The following MYH10 variants were observed in gnomAD, a reference collection of about 807,000 sequenced individuals.
The protein encoded by MYH10 is myosin-10.
A neutral mutation model predicts 257.8 loss-of-function variants in MYH10; 55 were observed. The observed-to-expected ratio is 0.21, with a 90% CI of 0.17 to 0.27. The LOEUF (loss-of-function observed/expected upper bound fraction) is 0.27. Ranked by LOEUF, MYH10 falls within the 10% of genes least tolerant of loss-of-function variation. MYH10 has a pLI of 1.00. For synonymous variants in MYH10, 854 were observed against 921.7 expected (o/e 0.93, Z 1.33); for missense variants, 1,631 against 2,500.6 (o/e 0.65, Z 7.42).
Position 8,545,336 on chromosome 17 carries a change from C to G in MYH10, c.1431+112G>C, listed in dbSNP as rs1269842064. Reference sequence around the variant, plus strand: ...TTATTGTTTGGCTCTACTAGAATGGCAGGGACTGTATCCCTGGTGCCTCGT... The same window carrying G: ...TTATTGTTTGGCTCTACTAGAATGGGAGGGACTGTATCCCTGGTGCCTCGT... On this transcript the variant is annotated intron_variant, in intron 13 of 42. Coordinates refer to ENST00000360416, the MANE Select transcript of MYH10 (RefSeq NM_001256012.3). This position sits in a 1 kb window ranked among gnomAD's most constrained non-coding sequence, Gnocchi z 4.7. 2.5e-6 allele frequency: 3 copies of G among 1,186,692 alleles called. No homozygotes were observed. The highest frequency in any genetic ancestry group is 2.4e-6 in the Non-Finnish European group (2 of 832,538). 73.5% of individuals were successfully genotyped at this position (1,186,692 alleles called of 1,614,324 possible).
intron 7 of MYH10, among the ~76,000 whole-genome samples, chr17:8,558,369 G>A (rs1056305547): frequency 6.6e-6 from 1 of 152,110 alleles, no homozygotes; most frequent in African/African-American, 2.4e-5. Flanking sequence ...GAAAGGAGGA[G>A]AGAAGGCTTC....
At chr17:8,476,842 C>A in intron 42 of MYH10, 34 bp downstream of exon 42, 1 of 1,586,586 alleles carries the variant, frequency 6.3e-7, no homozygotes. Context: ...CACAAAGCAG[C>A]TGCCTGTCAG....
intron 21 of MYH10, among the ~76,000 whole-genome samples, chr17:8,518,339 GC>G (rs1380032383): frequency 6.6e-6 from 1 of 152,050 alleles, no homozygotes; most frequent in Non-Finnish European, 1.5e-5. Context: ...TTGCCATGAA[GC>G]CCTGGCTGGT....
chr17:8,610,707 C>T (rs1015472799), intron 2 of MYH10, among the ~76,000 whole-genome samples: 49 of 152,162 alleles, frequency 3.2e-4, no homozygotes, highest in African/African-American at 9.7e-4. Flanking sequence ...CTTGCCCTTC[C>T]GCCTTCTCCC....
intron 3 of MYH10, among the ~76,000 whole-genome samples, chr17:8,592,770 T>C (rs1344003579): frequency 1.8e-5 from 2 of 110,238 alleles, no homozygotes; most frequent in Non-Finnish European, 3.5e-5. Flanking sequence ...AAGAAGCATT[T>C]CTCAATCCAT....
intron 37 of MYH10, among the ~76,000 whole-genome samples, chr17:8,481,676 G>A (rs71371849): frequency 6.6e-6 from 1 of 152,342 alleles, no homozygotes; most frequent in Admixed American, 6.5e-5. Flanking sequence ...CAACGTAAGA[G>A]GTGGCTATGT....
rs1447368425 is a variant in MYH10, at chr17:8,569,670, T to C, written c.756+50A>G. The C allele has an allele frequency of 1.5e-6, 2 of 1,337,302 alleles. No homozygotes were observed. The highest frequency in any genetic ancestry group is 3.0e-5 in the African/African-American group (2 of 67,768). 82.8% of individuals were successfully genotyped at this position (1,337,302 alleles called of 1,614,324 possible). A position where few individuals can be genotyped will look rare whatever the true frequency, so the allele number is the denominator to read the frequency against. On this transcript the variant is annotated intron_variant, in intron 7 of 42. Coordinates refer to ENST00000360416, the MANE Select transcript of MYH10 (RefSeq NM_001256012.3). This position sits in a 1 kb window ranked among gnomAD's most constrained non-coding sequence, Gnocchi z 4.1. ...TTCATTTGCTTAATCACAGTAAACATTTAACTAGAAATCTAAGGAATTAAA... is the reference window on the plus strand; with the variant it reads ...TTCATTTGCTTAATCACAGTAAACACTTAACTAGAAATCTAAGGAATTAAA...
At chr17:8,543,247 C>T (rs1485644338) in intron 13 of MYH10, among the ~76,000 whole-genome samples, 1 of 152,170 alleles carries the variant, frequency 6.6e-6, no homozygotes, top group Non-Finnish European at 1.5e-5. Context: ...AAAGCCACTC[C>T]AATCTTTTCC....
chr17:8,584,929 C>A (rs1027497717), intron 4 of MYH10, among the ~76,000 whole-genome samples: 3 of 152,044 alleles, frequency 2.0e-5, no homozygotes, highest in Non-Finnish European at 4.4e-5. Context: ...CCACAACCTC[C>A]GCCTCCCGGG....
rs557591917 is a variant in MYH10 at position 8,478,219 on chromosome 17, G to A, written c.5706+119C>T. On this transcript the variant is annotated intron_variant, in intron 41 of 42. Transcript: ENST00000360416. ...CCACCAGGAACATGGAACAGCCCAC[G>A]TTAGCTGAAACATCAGAATCGGGAG... The A allele has an allele frequency of 4.0e-4, 347 of 865,604 alleles. 1 individual carries two copies. The African/African-American group carries it at 5.1e-3, about 13-fold the overall frequency. 53.6% of individuals were successfully genotyped at this position (865,604 alleles called of 1,614,324 possible).
intron 3 of MYH10, among the ~76,000 whole-genome samples, chr17:8,595,449 T>TTG (rs2084329644): frequency 8.0e-6 from 1 of 125,354 alleles, no homozygotes; most frequent in Non-Finnish European, 1.8e-5. Flanking sequence ...TTTTTTTTTT[T>TTG]GAGACAGAGT....
intron 30 of MYH10, among the ~76,000 whole-genome samples, chr17:8,496,875 G>T (rs984230108): frequency 1.3e-5 from 2 of 152,196 alleles, no homozygotes; most frequent in African/African-American, 4.8e-5. Context: ...TATGGTCTAT[G>T]TTGAACACCT....
chr17:8,502,480 T>TTGTGTGTG lies in MYH10; in HGVS notation c.3600-1518_3600-1511dup, dbSNP rs55865122. On this transcript the variant is annotated intron_variant, in intron 28 of 42. Transcript: ENST00000360416. ...AGCACGTTGTCTTTTGGGAAAATAGTTGTGTGTGTGTGTGTGTGTGTGTGT... is the reference window on the plus strand; with the variant it reads ...AGCACGTTGTCTTTTGGGAAAATAGTTGTGTGTGTGTGTGTGTGTGTGTGTGTGTGTGT... Among the ~76,000 whole-genome samples, 485 of 150,224 alleles carry TTGTGTGTG rather than the reference T, an allele frequency of 3.2e-3. 1 individual carries two copies. The highest frequency in any genetic ancestry group is 9.0e-3 in the African/African-American group (369 of 40,944).
intron 14 of MYH10, among the ~76,000 whole-genome samples, chr17:8,538,446 G>C (rs2082204766): frequency 6.6e-6 from 1 of 152,218 alleles, no homozygotes; most frequent in African/African-American, 2.4e-5. Context: ...CTGACCTCAA[G>C]TGATCTGCCC....
At position 8,545,309 on chromosome 17, in the gene MYH10, A is replaced by T. The variant is rs755493013; in HGVS notation, c.1431+139T>A. On this transcript the variant is annotated intron_variant, in intron 13 of 42. Coordinates refer to ENST00000360416, the MANE Select transcript of MYH10 (RefSeq NM_001256012.3). This position sits in a 1 kb window ranked among gnomAD's most constrained non-coding sequence, Gnocchi z 4.7. ...CCTGCGGATTCACTGATTATTTGCC[A>T]TTTATTGTTTGGCTCTACTAGAATG... 4 of 916,224 alleles carry T rather than the reference A, an allele frequency of 4.4e-6. No homozygotes were observed. Among genetic ancestry groups the T allele is most frequent in the Non-Finnish European group, 6.6e-6 (4 of 609,986 alleles). The allele number at this position is 916,224 out of a possible 1,614,324, so 56.8% of individuals were successfully genotyped here.
intron 35 of MYH10, among the ~76,000 whole-genome samples, chr17:8,489,745 A>ACACACACACACACC (rs1258993754): frequency 1.8e-4 from 27 of 150,792 alleles, no homozygotes; most frequent in East Asian, 9.7e-4. Flanking sequence ...ACACACACAC[A>ACACACACACACACC]CCCCAAATCC....
At chr17:8,511,045 TATATATATATATATACAC>T (rs1301279466) in intron 24 of MYH10, 7 of 7,932 alleles carry the variant, frequency 8.8e-4, no homozygotes, top group African/African-American at 1.3e-3. Flanking sequence ...TATATATATA[TATATATATATATATACAC>T]ACATACATAC....
At chr17:8,546,993 G>A (rs1040768884) in intron 11 of MYH10, among the ~76,000 whole-genome samples, 2 of 152,096 alleles carry the variant, frequency 1.3e-5, no homozygotes, top group South Asian at 2.1e-4. Flanking sequence ...TGATCAGCAC[G>A]GGAGTTTTGA....
At chr17:8,518,488 ACCTGACT>A (rs1487723190) in intron 21 of MYH10, 136 bp downstream of exon 21, 1 of 803,810 alleles carries the variant, frequency 1.2e-6, no homozygotes, top group Non-Finnish European at 2.0e-6. Context: ...TCATGTATTT[ACCTGACT>A]ATCTCTGCCA....
Sources: allele counts gnomAD v4.1 joint callset (sites outside exome capture counted in the v4.1 genomes callset), GRCh38; gene constraint gnomAD v4.1.1; non-coding constraint Gnocchi (gnomAD v3.1); transcripts MANE v1.5; gene names NCBI Gene and HGNC (gene_info 2026-07-23, HGNC 2026-07-21).